The following ROBO1 variants were observed in gnomAD, a reference collection of about 807,000 sequenced individuals.
ROBO1 encodes the protein roundabout guidance receptor 1.
Under a neutral mutation model 195.9 loss-of-function variants are expected in ROBO1, and 149 were observed. That is an observed-to-expected ratio of 0.76 (90% CI 0.67 to 0.87). The LOEUF (loss-of-function observed/expected upper bound fraction) is 0.87, where lower values mean the gene tolerates loss of function less well. Ranked by LOEUF, ROBO1 falls within the 40% of genes least tolerant of loss-of-function variation. The probability of loss-of-function intolerance (pLI) is 0.00; values close to 1 mark genes in which losing one functional copy is unlikely to be tolerated. For synonymous variants in ROBO1, 816 were observed against 733.2 expected (o/e 1.11, Z -1.82); for missense variants, 1,933 against 2,068.3 (o/e 0.93, Z 1.27).
At chr3:78,970,770 A>G (rs1343945148) in intron 3 of ROBO1, among the ~76,000 whole-genome samples, 5 of 152,186 alleles carry the variant, frequency 3.3e-5, no homozygotes, top group Admixed American at 3.3e-4. Flanking sequence ...TTATCATCCC[A>G]TTTACCATAG....
At chr3:79,684,419 T>C (rs766866355) in intron 1 of ROBO1, among the ~76,000 whole-genome samples, 1 of 152,116 alleles carries the variant, frequency 6.6e-6, no homozygotes, top group Non-Finnish European at 1.5e-5. Context: ...TCTTTACCTA[T>C]ATTCTCTAGT....
chr3:79,090,174 G>A (rs990511982), intron 3 of ROBO1, among the ~76,000 whole-genome samples: 54 of 151,978 alleles, frequency 3.6e-4, no homozygotes, highest in Admixed American at 2.3e-3. Flanking sequence ...TCCTGACCTC[G>A]TGATCCACCC....
intron 21 of ROBO1, among the ~76,000 whole-genome samples, chr3:78,642,648 C>T (rs970416383): frequency 3.9e-5 from 6 of 152,110 alleles, no homozygotes; most frequent in Non-Finnish European, 8.8e-5. Context: ...GTTTTTTGGA[C>T]ACATTGCCTG....
At chr3:79,710,131 G>T (rs1702213885) in intron 1 of ROBO1, among the ~76,000 whole-genome samples, 1 of 152,120 alleles carries the variant, frequency 6.6e-6, no homozygotes, top group African/African-American at 2.4e-5. Context: ...GGAGACGAGA[G>T]ATATTAACAA....
At chr3:79,761,099 A>G (rs761037242) in intron 1 of ROBO1, among the ~76,000 whole-genome samples, 5 of 148,250 alleles carry the variant, frequency 3.4e-5, no homozygotes, top group Non-Finnish European at 5.9e-5. Context: ...TACTATATAT[A>G]AAATATACTA....
intron 1 of ROBO1, among the ~76,000 whole-genome samples, chr3:79,696,218 A>G (rs1947444182): frequency 6.6e-6 from 1 of 151,360 alleles, no homozygotes; most frequent in Non-Finnish European, 1.5e-5. Flanking sequence ...AAATCCCTTC[A>G]GCTGATTCCC....
At chr3:79,232,247 TAA>T (rs71649197) in intron 2 of ROBO1, among the ~76,000 whole-genome samples, 10 of 133,664 alleles carry the variant, frequency 7.5e-5, no homozygotes, top group Middle Eastern at 3.8e-3. Context: ...CTCCTTGATT[TAA>T]AAAAAAAAAA....
At chr3:78,751,085 C>T (rs1559815543) in intron 4 of ROBO1, among the ~76,000 whole-genome samples, 1 of 152,158 alleles carries the variant, frequency 6.6e-6, no homozygotes, top group African/African-American at 2.4e-5. Context: ...TACAGTCTCA[C>T]CACTATCCAA....
intron 2 of ROBO1, among the ~76,000 whole-genome samples, chr3:79,510,124 T>A (rs1034036074): frequency 2.0e-5 from 3 of 152,126 alleles, no homozygotes; most frequent in African/African-American, 7.2e-5. Context: ...TGATATGACA[T>A]GGTTTGGCTG....
chr3:79,063,529 G>C, intron 3 of ROBO1, among the ~76,000 whole-genome samples: 1 of 132,404 alleles, frequency 7.6e-6, no homozygotes, highest in African/African-American at 2.7e-5. Context: ...AAAAAAAAAT[G>C]GACCTACTTC....
At position 78,597,786 on chromosome 3, in the gene ROBO1, T is replaced by C. The variant is rs1702918255; in HGVS notation, c.*1127A>G. 1 of 152,540 alleles carries C rather than the reference T, an allele frequency of 6.6e-6. No homozygotes were observed. The highest frequency in any genetic ancestry group is 1.5e-5 in the Non-Finnish European group (1 of 68,000). The allele number at this position is 152,540 out of a possible 1,614,324, so 9.4% of individuals were successfully genotyped here. The stretch of plus-strand genomic sequence containing the variant: ...TTCATGGCCCACAATAAAGTATGCA[T>C]GTTACTTCACCATCTGTCATTATTC... On this transcript the variant is annotated 3_prime_UTR_variant, in exon 31 of 31. Coordinates refer to ENST00000464233, the MANE Select transcript of ROBO1 (RefSeq NM_002941.4).
intron 4 of ROBO1, among the ~76,000 whole-genome samples, chr3:78,866,114 T>C (rs977581206): frequency 7.2e-5 from 11 of 152,206 alleles, no homozygotes; most frequent in African/African-American, 2.2e-4. Context: ...ATAAACATAC[T>C]TATTTTCTTT....
chr3:79,496,339 A>G (rs1245619880), intron 2 of ROBO1, among the ~76,000 whole-genome samples: 1 of 150,296 alleles, frequency 6.7e-6, no homozygotes, highest in African/African-American at 2.4e-5. Flanking sequence ...CAATAAAAAA[A>G]AACAAATCTT....
chr3:79,276,985 G>A (rs2108989636), intron 2 of ROBO1, among the ~76,000 whole-genome samples: 1 of 152,184 alleles, frequency 6.6e-6, no homozygotes, highest in South Asian at 2.1e-4. Context: ...TGCCGAATGT[G>A]TGGAGAAAAG....
intron 1 of ROBO1, among the ~76,000 whole-genome samples, chr3:79,662,528 T>C (rs1946359331): frequency 6.6e-6 from 1 of 152,090 alleles, no homozygotes; most frequent in Non-Finnish European, 1.5e-5. Flanking sequence ...CTTGCCAAGT[T>C]TCTCCTCAAT....
intron 1 of ROBO1, 82 bp downstream of exon 1, chr3:79,767,670 C>T (rs929964738): frequency 9.2e-5 from 14 of 152,228 alleles, no homozygotes; most frequent in African/African-American, 3.4e-4. Context: ...CTCCAACAAC[C>T]ACTAGTGTAA....
At chr3:78,616,418 A>C (rs1704115396) in intron 27 of ROBO1, among the ~76,000 whole-genome samples, 1 of 152,178 alleles carries the variant, frequency 6.6e-6, no homozygotes, top group African/African-American at 2.4e-5. Flanking sequence ...AGGCCTGGCC[A>C]AAATAAATAT....
At chr3:79,598,953 T>G (rs896868232) in intron 1 of ROBO1, among the ~76,000 whole-genome samples, 2 of 152,040 alleles carry the variant, frequency 1.3e-5, no homozygotes, top group African/African-American at 4.8e-5. Context: ...CAACCAGCAT[T>G]CGAGAAAGCC....
At position 79,590,029 on chromosome 3, in the gene ROBO1, C is replaced by T. The variant is rs1346491113; in HGVS notation, c.-50-68G>A. The T allele has an allele frequency of 1.9e-5, 12 of 635,586 alleles. No individual in the cohort carries two copies. In the East Asian group the frequency reaches 2.5e-4, roughly 13 times the overall value. 39.4% of individuals were successfully genotyped at this position (635,586 alleles called of 1,614,324 possible). A position where few individuals can be genotyped will look rare whatever the true frequency, so the allele number is the denominator to read the frequency against. On this transcript the variant is annotated intron_variant, in intron 1 of 30. Transcript: ENST00000464233. ...GCTGAGAAACAATTATTTTGTGAAA[C>T]ATTGCAGTTCAAATAGATTTGAAAT...
Sources: allele counts gnomAD v4.1 joint callset (sites outside exome capture counted in the v4.1 genomes callset), GRCh38; gene constraint gnomAD v4.1.1; transcripts MANE v1.5; gene names NCBI Gene and HGNC (gene_info 2026-07-23, HGNC 2026-07-21).